WHRN: variants seen among roughly 807,000 people sequenced by gnomAD.
WHRN encodes whirlin.
A neutral mutation model predicts 68.3 loss-of-function variants in WHRN; 41 were observed. That is an observed-to-expected ratio of 0.60 (90% CI 0.47 to 0.78). The LOEUF (loss-of-function observed/expected upper bound fraction) is 0.78. Among genes scored for constraint, WHRN ranks in the 30% least tolerant of loss-of-function variants. The probability of loss-of-function intolerance (pLI) is 0.00; values close to 1 mark genes in which losing one functional copy is unlikely to be tolerated. For synonymous variants in WHRN, 560 were observed against 561.3 expected (o/e 1.00, Z 0.03); for missense variants, 1,243 against 1,244.7 (o/e 1.00, Z 0.02).
rs775595851 is a variant in WHRN at position 114,424,326 on chromosome 9, C to T, written c.1416+8G>A. ...CTGAAGCCAGTTGGGAGGCAGGGCA[C>T]GGGTCACCTTGGCGTGGGTGTTGAG... On this transcript the variant is annotated splice_region_variant and intron_variant, in intron 6 of 11. Transcript: ENST00000362057. The T allele has an allele frequency of 1.1e-5, 18 of 1,612,160 alleles. No homozygotes were observed. The highest frequency in any genetic ancestry group is 6.6e-5 in the South Asian group (6 of 90,986).
chr9:114,474,090 T>C (rs895148620), intron 2 of WHRN, among the ~76,000 whole-genome samples: 1 of 152,060 alleles, frequency 6.6e-6, no homozygotes, highest in African/African-American at 2.4e-5. Context: ...CATCCTCCAT[T>C]TCAAGCCATT....
intron 7 of WHRN, among the ~76,000 whole-genome samples, chr9:114,413,717 C>T (rs1048546641): frequency 1.3e-5 from 2 of 152,254 alleles, no homozygotes; most frequent in East Asian, 3.9e-4. Flanking sequence ...CAACACTGGG[C>T]CAGCACTGTG....
intron 7 of WHRN, among the ~76,000 whole-genome samples, chr9:114,422,310 G>A (rs930116110): frequency 6.6e-6 from 1 of 152,212 alleles, no homozygotes; most frequent in Admixed American, 6.5e-5. Context: ...AGAAACAAGG[G>A]CATAGAGGAG....
chr9:114,495,694 A>G (rs1843397111), intron 1 of WHRN, among the ~76,000 whole-genome samples: 1 of 152,228 alleles, frequency 6.6e-6, no homozygotes, highest in South Asian at 2.1e-4. Context: ...AGCAGACTTA[A>G]AAATCTCAGG....
chr9:114,428,826 C>T (rs1729544759), intron 3 of WHRN, among the ~76,000 whole-genome samples: 2 of 151,942 alleles, frequency 1.3e-5, no homozygotes, highest in South Asian at 4.1e-4. Context: ...CCCCATCAGC[C>T]CCCTGACCTC....
chr9:114,408,233 T>G (rs910445819), intron 7 of WHRN, among the ~76,000 whole-genome samples: 1 of 152,206 alleles, frequency 6.6e-6, no homozygotes, highest in Non-Finnish European at 1.5e-5. Flanking sequence ...TCTTTGGGAC[T>G]TTCTGATCAT....
intron 1 of WHRN, among the ~76,000 whole-genome samples, chr9:114,491,080 T>C (rs1842934748): frequency 6.6e-6 from 1 of 152,230 alleles, no homozygotes; most frequent in Non-Finnish European, 1.5e-5. Context: ...GGGTTTGCAA[T>C]GGCACATTTT....
intron 7 of WHRN, among the ~76,000 whole-genome samples, chr9:114,419,440 G>A (rs1375515128): frequency 1.3e-5 from 2 of 152,226 alleles, no homozygotes; most frequent in East Asian, 1.9e-4. Context: ...CCGCACGTGC[G>A]ATCGCTGCCC....
At chr9:114,443,188 A>G (rs953559397) in intron 3 of WHRN, among the ~76,000 whole-genome samples, 1 of 152,234 alleles carries the variant, frequency 6.6e-6, no homozygotes, top group Non-Finnish European at 1.5e-5. Flanking sequence ...GAAGAGCTAT[A>G]ATAGGTGTTG....
intron 2 of WHRN, among the ~76,000 whole-genome samples, chr9:114,474,927 G>A (rs138798216): frequency 3.0e-4 from 46 of 152,236 alleles, no homozygotes; most frequent in African/African-American, 1.1e-3. Context: ...AAGGCCCAAA[G>A]TGAAGACAGA....
At chr9:114,479,245 G>A (rs1372967526) in intron 1 of WHRN, among the ~76,000 whole-genome samples, 2 of 152,174 alleles carry the variant, frequency 1.3e-5, no homozygotes, top group African/African-American at 2.4e-5. Context: ...ATGTCTACCA[G>A]CCCCCAATAA....
chr9:114,455,397 T>C (rs1399033391), intron 3 of WHRN, among the ~76,000 whole-genome samples: 1 of 151,992 alleles, frequency 6.6e-6, no homozygotes, highest in Non-Finnish European at 1.5e-5. Context: ...AAGATACTTT[T>C]AAGAGAAGAC....
intron 3 of WHRN, among the ~76,000 whole-genome samples, chr9:114,461,900 G>A (rs1281276737): frequency 6.6e-6 from 1 of 152,178 alleles, no homozygotes; most frequent in Non-Finnish European, 1.5e-5. Flanking sequence ...AAGCTGAGGA[G>A]GTCAGAGACT....
chr9:114,424,168 A>T (rs768232379), intron 6 of WHRN, among the ~76,000 whole-genome samples, 166 bp downstream of exon 6: 8 of 152,188 alleles, frequency 5.3e-5, no homozygotes, highest in Non-Finnish European at 8.8e-5. Context: ...TTCCCCCAGG[A>T]GTCTGTGAGC....
At chr9:114,419,816 A>T (rs1173764013) in intron 7 of WHRN, among the ~76,000 whole-genome samples, 1 of 152,194 alleles carries the variant, frequency 6.6e-6, no homozygotes, top group East Asian at 1.9e-4. Flanking sequence ...CTGAGGTCTC[A>T]CAGCAAGAAA....
intron 1 of WHRN, among the ~76,000 whole-genome samples, chr9:114,480,663 TA>T (rs1842033058): frequency 6.6e-6 from 1 of 152,246 alleles, no homozygotes; most frequent in African/African-American, 2.4e-5. Flanking sequence ...GGTATTTTGT[TA>T]TGGCAGCACC....
chr9:114,441,203 A>G (rs560388119), intron 3 of WHRN, among the ~76,000 whole-genome samples: 75 of 152,308 alleles, frequency 4.9e-4, no homozygotes, highest in Non-Finnish European at 8.1e-4. Context: ...AACATACAAT[A>G]TATGTGTTAA....
chr9:114,503,835 C>A, intron 1 of WHRN: 1 of 279,370 alleles, frequency 3.6e-6, no homozygotes, highest in Non-Finnish European at 6.7e-6. Flanking sequence ...GTAGCAAAGG[C>A]CACCTAATTA....
At chr9:114,429,674 C>G (rs1308053031) in intron 3 of WHRN, among the ~76,000 whole-genome samples, 2 of 152,208 alleles carry the variant, frequency 1.3e-5, no homozygotes, top group Admixed American at 1.3e-4. Flanking sequence ...TGGCTCGGGG[C>G]TTGGTACTCA....
Sources: allele counts gnomAD v4.1 joint callset (sites outside exome capture counted in the v4.1 genomes callset), GRCh38; gene constraint gnomAD v4.1.1; transcripts MANE v1.5; gene names NCBI Gene and HGNC (gene_info 2026-07-23, HGNC 2026-07-21).